Variants in ANKRD30B observed in about 807,000 individuals in gnomAD.
ANKRD30B encodes ankyrin repeat domain-containing protein 30B.
In ANKRD30B, 144 loss-of-function variants were observed where a neutral mutation model predicts 202.2. That is an observed-to-expected ratio of 0.71 (90% CI 0.62 to 0.82). ANKRD30B has a LOEUF of 0.82. ANKRD30B is among the 40% of genes least tolerant of loss of function. The pLI, the probability that ANKRD30B is intolerant of heterozygous loss-of-function variation, is 0.00. For missense variants in ANKRD30B, 1,487 were observed against 1,669.1 expected, an observed-to-expected ratio of 0.89 and a Z score of 1.90; for synonymous variants, 508 against 561.3, an observed-to-expected ratio of 0.91 and a Z score of 1.34.
chr18:14,758,763 C>G (rs1914782001), intron 5 of ANKRD30B, among the ~76,000 whole-genome samples: 1 of 152,124 alleles, frequency 6.6e-6, no homozygotes, highest in Non-Finnish European at 1.5e-5. Context: ...TCTATTTTCT[C>G]TAGCAAATAT....
At chr18:14,834,651 A>G (rs1257810761) in intron 34 of ANKRD30B, among the ~76,000 whole-genome samples, 1 of 151,920 alleles carries the variant, frequency 6.6e-6, no homozygotes, top group Non-Finnish European at 1.5e-5. Context: ...AATTTGTTGT[A>G]CTCTTTAAAA....
At chr18:14,831,199 A>C (rs972671784) in intron 33 of ANKRD30B, among the ~76,000 whole-genome samples, 184 bp from the exon 34 acceptor site, 2 of 150,906 alleles carry the variant, frequency 1.3e-5, no homozygotes, top group African/African-American at 4.9e-5. Flanking sequence ...AAAAAAAAAA[A>C]ACGAAAACCA....
At chr18:14,765,845 G>T (rs1916044029) in intron 7 of ANKRD30B, among the ~76,000 whole-genome samples, 1 of 152,018 alleles carries the variant, frequency 6.6e-6, no homozygotes, top group South Asian at 2.1e-4. Flanking sequence ...TCAATTTACA[G>T]ATTTAAACCT....
chr18:14,828,271 T>G lies in ANKRD30B; in HGVS notation c.2744-7T>G, dbSNP rs1450536535. 2 of 1,530,792 alleles carry G rather than the reference T, an allele frequency of 1.3e-6. No individual in the cohort carries two copies. Among genetic ancestry groups the G allele is most frequent in the Admixed American group, 4.4e-5 (2 of 45,958 alleles). The allele number at this position is 1,530,792 out of a possible 1,614,324, so 94.8% of individuals were successfully genotyped here. A position where few individuals can be genotyped will look rare whatever the true frequency, so the allele number is the denominator to read the frequency against. On this transcript the variant is annotated splice_polypyrimidine_tract_variant and splice_region_variant and intron_variant, in intron 32 of 43. Coordinates refer to ENST00000690538, the MANE Select transcript of ANKRD30B (RefSeq NM_001367607.2). ...GATTTAATGTATTTTACTCTTTTCT[T>G]TAATAGAGGATGTGAGTTCTGTAGA...
At chr18:14,909,331 T>C in the ANKRD30B span, among the ~76,000 whole-genome samples, 1 of 152,146 alleles carries the variant, frequency 6.6e-6, no homozygotes, top group African/African-American at 2.4e-5. Context: ...GTGATGTTTG[T>C]CGGACACTTG....
the ANKRD30B span, among the ~76,000 whole-genome samples, chr18:14,881,387 T>G: frequency 7.3e-3 from 1,113 of 152,340 alleles, 11 homozygotes; most frequent in Middle Eastern, 0.031. Flanking sequence ...ATCACATTTA[T>G]TGACTTGCAT....
At chr18:14,896,067 G>A in the ANKRD30B span, among the ~76,000 whole-genome samples, 1 of 151,904 alleles carries the variant, frequency 6.6e-6, no homozygotes, top group Non-Finnish European at 1.5e-5. Flanking sequence ...CCACATTAAT[G>A]CTAGATATTT....
At chr18:14,922,671 A>G in the ANKRD30B span, among the ~76,000 whole-genome samples, 10 of 149,952 alleles carry the variant, frequency 6.7e-5, no homozygotes, top group Non-Finnish European at 1.3e-4. Flanking sequence ...AAAAAAAAAA[A>G]GAAAAGAAAA....
At chr18:14,753,181 T>C (rs1913745051) in intron 3 of ANKRD30B, among the ~76,000 whole-genome samples, 169 bp downstream of exon 3, 1 of 152,184 alleles carries the variant, frequency 6.6e-6, no homozygotes, top group African/African-American at 2.4e-5. Context: ...TTAAAAGAAC[T>C]ATTAGAGAGT....
At position 14,838,252 on chromosome 18, in the gene ANKRD30B, G is replaced by A. The variant is rs556605478; in HGVS notation, c.2988+576G>A. Among the ~76,000 whole-genome samples the A allele has an allele frequency of 3.3e-5, 5 of 151,930 alleles. No individual in the cohort carries two copies. The East Asian group carries it at 7.7e-4, about 23-fold the overall frequency. On this transcript the variant is annotated intron_variant, in intron 36 of 43. Coordinates refer to ENST00000690538, the MANE Select transcript of ANKRD30B (RefSeq NM_001367607.2). ...AAATGATTTCTCCACATTCATTTAT[G>A]AGCAACTGTATGATTCTGTGTATAT...
At chr18:14,912,086 T>A in the ANKRD30B span, among the ~76,000 whole-genome samples, 1 of 152,210 alleles carries the variant, frequency 6.6e-6, no homozygotes, top group Non-Finnish European at 1.5e-5. Context: ...CTTGGCTTCC[T>A]CTTTTCTAGT....
Position 14,803,788 on chromosome 18 carries a change from CA to C in ANKRD30B, c.2253del (p.Glu752AsnfsTer5), listed in dbSNP as rs1969339111. 1 of 1,603,432 alleles carries C rather than the reference CA, an allele frequency of 6.2e-7. No individual in the cohort carries two copies. Among genetic ancestry groups the C allele is most frequent in the Non-Finnish European group, 8.5e-7 (1 of 1,177,588 alleles). On this transcript the variant is annotated frameshift_variant, in exon 24 of 44. Transcript: ENST00000690538. LOFTEE classifies it high-confidence loss of function. ...TGTGTGTTTACCCAAGGCTACACAT[CA>C]AAAAGAATTCGATACCTTAAGTGGA... ...NDVCLPKATH[Q>X]KEFDTLSGKL... is the part of the protein sequence containing the mutation.
rs995100056 is a variant in ANKRD30B at position 14,805,728 on chromosome 18, G to A, written c.2284+1904G>A. Among the ~76,000 whole-genome samples, 22 of 150,810 alleles carry A rather than the reference G, an allele frequency of 1.5e-4. 1 individual carries two copies. Among genetic ancestry groups the A allele is most frequent in the Admixed American group, 2.6e-4 (4 of 15,214 alleles). The stretch of plus-strand genomic sequence containing the variant: ...AAAGACACATGGTGTAGCATTCTAC[G>A]TTCAGCTTTTGCATTTATTTTCTCA... On this transcript the variant is annotated intron_variant, in intron 24 of 43. Transcript: ENST00000690538.
At chr18:14,920,220 G>A in the ANKRD30B span, among the ~76,000 whole-genome samples, 9 of 152,326 alleles carry the variant, frequency 5.9e-5, 1 homozygote, top group South Asian at 1.9e-3. Flanking sequence ...TAGGTACTGG[G>A]TGTTGTGTGA....
chr18:14,796,789 C>G (rs1968930066), intron 18 of ANKRD30B, among the ~76,000 whole-genome samples: 1 of 121,708 alleles, frequency 8.2e-6, no homozygotes, highest in Non-Finnish European at 1.6e-5. Flanking sequence ...TGGATATACC[C>G]ACATTTATTA....
chr18:14,854,372 TG>T lies in ANKRD30B; in HGVS notation c.*215del, dbSNP rs1356170528. ...CTAAACCACCCACCTCACAGCATAG[TG>T]CAGAGATGTCCTGGCAGTGCTTCTG... is the stretch of plus-strand genomic sequence containing the variant. On this transcript the variant is annotated 3_prime_UTR_variant, in exon 44 of 44. Transcript: ENST00000690538. Among the ~76,000 whole-genome samples, 5 of 152,196 alleles carry T rather than the reference TG, an allele frequency of 3.3e-5. No homozygotes were observed. The highest frequency in any genetic ancestry group is 1.2e-4 in the African/African-American group (5 of 41,454).
At chr18:14,866,758 T>C in the ANKRD30B span, among the ~76,000 whole-genome samples, 1 of 151,820 alleles carries the variant, frequency 6.6e-6, no homozygotes, top group Non-Finnish European at 1.5e-5. Context: ...CTATCGGGCG[T>C]TGAATTGCTG....
chr18:14,814,382 TTTC>T (rs1969986692), intron 29 of ANKRD30B, among the ~76,000 whole-genome samples: 1 of 67,136 alleles, frequency 1.5e-5, no homozygotes, highest in East Asian at 3.4e-4. Flanking sequence ...GTGATTTGTT[TTTC>T]CTGCTCAGTA....
At chr18:14,899,100 A>G in the ANKRD30B span, among the ~76,000 whole-genome samples, 7 of 152,218 alleles carry the variant, frequency 4.6e-5, no homozygotes, top group African/African-American at 1.7e-4. Flanking sequence ...ATTATTTTAG[A>G]GTTTGAATAT....
Sources: allele counts gnomAD v4.1 joint callset (sites outside exome capture counted in the v4.1 genomes callset), GRCh38; gene constraint gnomAD v4.1.1; transcripts MANE v1.5; gene names NCBI Gene and HGNC (gene_info 2026-07-23, HGNC 2026-07-21).